PTAR1: variants seen among roughly 807,000 people sequenced by gnomAD.
The protein encoded by PTAR1 is protein prenyltransferase alpha subunit repeat-containing protein 1.
In PTAR1, 17 loss-of-function variants were observed where a neutral mutation model predicts 45.5. The observed-to-expected ratio is 0.37, with a 90% CI of 0.26 to 0.56. The LOEUF (loss-of-function observed/expected upper bound fraction) is 0.56. PTAR1 is among the 20% of genes least tolerant of loss of function. The pLI is 0.77. For synonymous variants in PTAR1, 169 were observed against 171.3 expected, an observed-to-expected ratio of 0.99 and a Z score of 0.11; for missense variants, 391 against 476.3, an observed-to-expected ratio of 0.82 and a Z score of 1.67.
chr9:69,738,638 C>A (rs1242387687), intron 3 of PTAR1, among the ~76,000 whole-genome samples: 2 of 152,068 alleles, frequency 1.3e-5, no homozygotes, highest in Admixed American at 6.6e-5. Context: ...TTGAATACTT[C>A]CTTACTTTCT....
rs1265868063 is a variant in PTAR1 at position 69,760,006 on chromosome 9, G to A, written c.-68C>T. The A allele has an allele frequency of 1.5e-4, 184 of 1,267,044 alleles. No individual in the cohort carries two copies. Among genetic ancestry groups the A allele is most frequent in the Non-Finnish European group, 1.7e-4 (169 of 1,001,238 alleles). The allele number at this position is 1,267,044 out of a possible 1,614,324, so 78.5% of individuals were successfully genotyped here. A position where few individuals can be genotyped will look rare whatever the true frequency, so the allele number is the denominator to read the frequency against. ...CCGGGCCGCCGGCGGGAGTTCCGCG[G>A]AGAACGAGCGCGCGCGCGCGCGCGC... is the stretch of plus-strand genomic sequence containing the variant. On this transcript the variant is annotated 5_prime_UTR_variant, in exon 1 of 8. Coordinates refer to ENST00000340434, the MANE Select transcript of PTAR1 (RefSeq NM_001099666.2).
rs1824554916 is a variant in PTAR1 at position 69,712,368 on chromosome 9, A to C, written c.*5974T>G. 1 of 152,216 alleles carries C rather than the reference A, an allele frequency of 6.6e-6. No individual in the cohort carries two copies. Among genetic ancestry groups the C allele is most frequent in the Non-Finnish European group, 1.5e-5 (1 of 68,026 alleles). The allele number at this position is 152,216 out of a possible 1,614,324, so 9.4% of individuals were successfully genotyped here. ...TTTGCTGGAAGGTGTTGGTCTAATA[A>C]AGAAAACTGCTTTAAGTAGGAGCAC... is the stretch of plus-strand genomic sequence containing the variant. On this transcript the variant is annotated 3_prime_UTR_variant, in exon 8 of 8. Transcript: ENST00000340434.
Position 69,750,793 on chromosome 9 carries a change from G to C in PTAR1, c.244C>G (p.Leu82Val). ...GATTCATACTTACCATCTCTGTTCAGCCATTGCTTTCTTGTTCTGTACAAA... is the reference window on the plus strand; with the variant it reads ...GATTCATACTTACCATCTCTGTTCACCCATTGCTTTCTTGTTCTGTACAAA... ...LLLYRTRKQW[L>V]NRDELIDVTC... Residue 82 changes from leucine (L) to valine (V), a missense_variant, in exon 2 of 8, where the codon CTG becomes GTG. By Grantham distance (32) the Leu-to-Val change is conservative. Around this residue, in one of 5 missense-constraint regions of PTAR1, gnomAD observed 152 missense variants for 160.0 expected, o/e 0.95. Coordinates refer to ENST00000340434, the MANE Select transcript of PTAR1 (RefSeq NM_001099666.2). The C allele has an allele frequency of 6.2e-7, 1 of 1,606,602 alleles. No homozygotes were observed. Among genetic ancestry groups the C allele is most frequent in the Non-Finnish European group, 8.5e-7 (1 of 1,176,932 alleles).
intron 6 of PTAR1, among the ~76,000 whole-genome samples, chr9:69,721,927 C>T (rs997288344): frequency 6.6e-6 from 1 of 152,030 alleles, no homozygotes; most frequent in Non-Finnish European, 1.5e-5. Context: ...CACTTTATTG[C>T]TATATTCACT....
chr9:69,713,764 T>G lies in PTAR1; in HGVS notation c.*4578A>C, dbSNP rs577605028. The G allele has an allele frequency of 6.6e-6, 1 of 152,208 alleles. No individual in the cohort carries two copies. The highest frequency in any genetic ancestry group is 1.9e-4 in the East Asian group (1 of 5,172). 9.4% of individuals were successfully genotyped at this position (152,208 alleles called of 1,614,324 possible). On this transcript the variant is annotated 3_prime_UTR_variant, in exon 8 of 8. Coordinates refer to ENST00000340434, the MANE Select transcript of PTAR1 (RefSeq NM_001099666.2). ...GGGATGCCTCCAACCCCCAAAACGT[T>G]AGTTGCCAGAAAGAAAGAACTAAAT...
chr9:69,733,989 T>C (rs547636263), intron 4 of PTAR1, among the ~76,000 whole-genome samples, 161 bp downstream of exon 4: 39 of 152,262 alleles, frequency 2.6e-4, no homozygotes, highest in Admixed American at 7.2e-4. Flanking sequence ...CATGAACACT[T>C]AGGTAGCAAG....
At chr9:69,736,477 A>C (rs1825794474) in intron 3 of PTAR1, among the ~76,000 whole-genome samples, 1 of 152,156 alleles carries the variant, frequency 6.6e-6, no homozygotes. Context: ...GAATCGCTTG[A>C]ACCCAGGAGG....
rs1251873393 is a variant in PTAR1, at chr9:69,709,645, A to G, written c.*8697T>C. ...TAGCTGGCTTGGTACATGGTCACAT[A>G]AGAACAAATCTAATGGAAAAAGAAT... On this transcript the variant is annotated 3_prime_UTR_variant, in exon 8 of 8. Transcript: ENST00000340434. 2.0e-5 allele frequency: 3 copies of G among 152,168 alleles called. No individual in the cohort carries two copies. Among genetic ancestry groups the G allele is most frequent in the Non-Finnish European group, 4.4e-5 (3 of 68,006 alleles). The allele number at this position is 152,168 out of a possible 1,614,324, so 9.4% of individuals were successfully genotyped here.
In PTAR1 at chr9:69,732,156, C is replaced by T. The variant is rs1158636594; in HGVS notation, c.625G>A (p.Ala209Thr). 2 of 1,612,622 alleles carry T rather than the reference C, an allele frequency of 1.2e-6. No individual in the cohort carries two copies. Among genetic ancestry groups the T allele is most frequent in the Admixed American group, 1.7e-5 (1 of 59,982 alleles). ...SHRIWVLQHL[A>T]KLDVKILLDE... Reference sequence around the variant, plus strand: ...ATTCCTACCTTGACATCTAGCTTGGCCAAGTGCTGTAAAACCCAGATGCGA... The same window carrying T: ...ATTCCTACCTTGACATCTAGCTTGGTCAAGTGCTGTAAAACCCAGATGCGA... Residue 209 changes from alanine (A) to threonine (T), a missense_variant, in exon 5 of 8, where the codon GCC (alanine) becomes ACC (threonine). Transcript: ENST00000340434.
rs1368494821 is a variant in PTAR1, at chr9:69,714,199, T to C, written c.*4143A>G. On this transcript the variant is annotated 3_prime_UTR_variant, in exon 8 of 8. Transcript: ENST00000340434. ...AAGTGCTAGGGTTTGCACAGTTCTATTTGAGAAATTTATTCAAGACAAAAG... is the reference window on the plus strand; with the variant it reads ...AAGTGCTAGGGTTTGCACAGTTCTACTTGAGAAATTTATTCAAGACAAAAG... The C allele has an allele frequency of 1.3e-5, 2 of 152,114 alleles. No homozygotes were observed. Among genetic ancestry groups the C allele is most frequent in the East Asian group, 1.9e-4 (1 of 5,198 alleles). The allele number at this position is 152,114 out of a possible 1,614,324, so 9.4% of individuals were successfully genotyped here. A position where few individuals can be genotyped will look rare whatever the true frequency, so the allele number is the denominator to read the frequency against.
At chr9:69,738,630 G>T (rs1564138872) in intron 3 of PTAR1, among the ~76,000 whole-genome samples, 1 of 151,750 alleles carries the variant, frequency 6.6e-6, no homozygotes, top group Non-Finnish European at 1.5e-5. Context: ...ATATATTTTT[G>T]AATACTTCCT....
intron 3 of PTAR1, among the ~76,000 whole-genome samples, chr9:69,740,658 A>G (rs1344375428): frequency 1.0e-3 from 153 of 148,090 alleles, no homozygotes; most frequent in Middle Eastern, 3.5e-3. Context: ...AAAGGGGAAA[A>G]AAAAAAAAAA....
rs1825576224 is a variant in PTAR1 at position 69,732,296 on chromosome 9, T to C, written c.485A>G (p.Lys162Arg). Residue 162 changes from lysine to arginine, a missense_variant, in exon 5 of 8, where the codon AAA (lysine) becomes AGA (arginine). Lys to Arg is a conservative substitution (Grantham distance 26, BLOSUM62 2). Coordinates refer to ENST00000340434, the MANE Select transcript of PTAR1 (RefSeq NM_001099666.2). ...QETSLPSFVT[K>R]GNLGTIPTER... ...TGTGGGAATTGTTCCCAAGTTTCCTTTGGTCACAAAGGAAGGCAAGGAGGT... is the reference window on the plus strand; with the variant it reads ...TGTGGGAATTGTTCCCAAGTTTCCTCTGGTCACAAAGGAAGGCAAGGAGGT... The C allele has an allele frequency of 6.2e-7, 1 of 1,613,754 alleles. No homozygotes were observed. Among genetic ancestry groups the C allele is most frequent in the African/African-American group, 1.3e-5 (1 of 74,914 alleles).
chr9:69,712,533 G>A lies in PTAR1; in HGVS notation c.*5809C>T, dbSNP rs1824563450. 6.6e-6 allele frequency: 1 copy of A among 152,068 alleles called. No individual in the cohort carries two copies. Among genetic ancestry groups the A allele is most frequent in the African/African-American group, 2.4e-5 (1 of 41,402 alleles). The allele number at this position is 152,068 out of a possible 1,614,324, so 9.4% of individuals were successfully genotyped here. On this transcript the variant is annotated 3_prime_UTR_variant, in exon 8 of 8. Transcript: ENST00000340434. ...TATTTTTCCCAAAGCTAAGAATATG[G>A]ACAATGATGATATGATAGCTAAGCT...
At chr9:69,758,599 G>A in intron 1 of PTAR1, 1 of 303,514 alleles carries the variant, frequency 3.3e-6, no homozygotes, top group Non-Finnish European at 7.2e-6. Context: ...TGTGTTTTGA[G>A]GCCAGCAGTG....
At chr9:69,759,736 G>C in intron 1 of PTAR1, 117 bp downstream of exon 1, 1 of 1,033,858 alleles carries the variant, frequency 9.7e-7, no homozygotes, top group South Asian at 1.8e-5. Context: ...CTCCTCCCTA[G>C]AAGGGCTCGT....
chr9:69,730,877 ATCTCTCTCT>A (rs1053987407), intron 5 of PTAR1, among the ~76,000 whole-genome samples: 3 of 152,082 alleles, frequency 2.0e-5, no homozygotes, highest in African/African-American at 7.2e-5. Context: ...AATCGAGTGA[ATCTCTCTCT>A]ATTAGATGCC....
chr9:69,756,568 G>A lies in PTAR1; in HGVS notation c.86+3285C>T, dbSNP rs77350863. 8.4e-3 allele frequency among the ~76,000 whole-genome samples: 1,279 copies of A among 152,130 alleles called. 19 individuals are homozygous for A. The highest frequency in any genetic ancestry group is 0.029 in the African/African-American group (1,184 of 41,486). On this transcript the variant is annotated intron_variant, in intron 1 of 7. Transcript: ENST00000340434. ...TGAGAGTCAAGGATCTCCATAATCT[G>A]GCCCTACTGTACCTTCTCAGCCACA...
Position 69,715,940 on chromosome 9 carries a change from C to T in PTAR1, c.*2402G>A, listed in dbSNP as rs961540773. ...GAAGGAAACAAGACATATTAAAGGA[C>T]TGTGCGGCTTCAGAAAAGAGTGGGT... On this transcript the variant is annotated 3_prime_UTR_variant, in exon 8 of 8. Coordinates refer to ENST00000340434, the MANE Select transcript of PTAR1 (RefSeq NM_001099666.2). The T allele has an allele frequency of 1.3e-5, 2 of 152,190 alleles. No homozygotes were observed. Among genetic ancestry groups the T allele is most frequent in the African/African-American group, 2.4e-5 (1 of 41,552 alleles). The allele number at this position is 152,190 out of a possible 1,614,324, so 9.4% of individuals were successfully genotyped here. A position where few individuals can be genotyped will look rare whatever the true frequency, so the allele number is the denominator to read the frequency against.
Sources: allele counts gnomAD v4.1 joint callset (sites outside exome capture counted in the v4.1 genomes callset), GRCh38; gene constraint gnomAD v4.1.1; regional missense constraint gnomAD v4.1.1; transcripts MANE v1.5; gene names NCBI Gene and HGNC (gene_info 2026-07-23, HGNC 2026-07-21).